EYA2: variants seen among roughly 807,000 people sequenced by gnomAD.
The protein encoded by EYA2 is EYA transcriptional coactivator and phosphatase 2, also known as protein phosphatase EYA2.
In EYA2, 31 loss-of-function variants were observed where a neutral mutation model predicts 69.2. The observed-to-expected ratio is 0.45, with a 90% CI of 0.34 to 0.60. EYA2 has a LOEUF of 0.60. EYA2 is among the 20% of genes least tolerant of loss of function. EYA2 has a pLI of 0.02. For missense variants in EYA2, 622 were observed against 701.2 expected (o/e 0.89, Z 1.28); for synonymous variants, 257 against 279.4 (o/e 0.92, Z 0.80).
intron 8 of EYA2, among the ~76,000 whole-genome samples, chr20:47,090,389 G>A (rs545382031): frequency 4.5e-4 from 68 of 152,078 alleles, no homozygotes; most frequent in Non-Finnish European, 8.4e-4. Flanking sequence ...ACAGGTGCAC[G>A]CCACCATGCT....
At chr20:46,946,683 G>T (rs540830494) in intron 1 of EYA2, among the ~76,000 whole-genome samples, 1 of 152,148 alleles carries the variant, frequency 6.6e-6, no homozygotes, top group South Asian at 2.1e-4. Context: ...CATAAAAGCC[G>T]CCATAGACAG....
chr20:46,930,833 C>T (rs1398319383), intron 1 of EYA2, among the ~76,000 whole-genome samples: 1 of 152,128 alleles, frequency 6.6e-6, no homozygotes, highest in African/African-American at 2.4e-5. Flanking sequence ...GTGCCAGGAA[C>T]CTTATGGAAA....
chr20:46,949,463 A>G (rs1978669672), intron 1 of EYA2, among the ~76,000 whole-genome samples: 1 of 152,172 alleles, frequency 6.6e-6, no homozygotes, highest in African/African-American at 2.4e-5. Context: ...AGTAAAGAGA[A>G]TTTAGGGGAT....
intron 9 of EYA2, among the ~76,000 whole-genome samples, chr20:47,122,333 G>A (rs1257214147): frequency 1.6e-4 from 19 of 122,352 alleles, no homozygotes; most frequent in South Asian, 2.5e-4. Flanking sequence ...TTATTCTGTC[G>A]CCTAGGCTGG....
intron 1 of EYA2, among the ~76,000 whole-genome samples, chr20:46,932,525 G>A (rs1057494557): frequency 1.4e-4 from 21 of 152,048 alleles, no homozygotes; most frequent in African/African-American, 5.1e-4. Context: ...GATCTTGGGG[G>A]CATTTTCTCC....
intron 7 of EYA2, among the ~76,000 whole-genome samples, chr20:47,085,143 A>C (rs1308916527): frequency 2.0e-5 from 3 of 151,602 alleles, no homozygotes; most frequent in Non-Finnish European, 4.4e-5. Context: ...AGCCTCATCC[A>C]TTTTTTCAAA....
chr20:46,974,905 T>C (rs1980367152), intron 1 of EYA2, among the ~76,000 whole-genome samples: 2 of 152,210 alleles, frequency 1.3e-5, no homozygotes, highest in Admixed American at 1.3e-4. Flanking sequence ...GGTTGCCTTT[T>C]GTGGGCCTAG....
Position 47,074,182 on chromosome 20 carries a change from C to G in EYA2, c.508C>G (p.Pro170Ala). 1.9e-6 allele frequency: 3 copies of G among 1,612,632 alleles called. No homozygotes were observed. Among genetic ancestry groups the G allele is most frequent in the Non-Finnish European group, 2.5e-6 (3 of 1,179,022 alleles). The change falls in exon 7 of 16, where the codon CCC (proline) becomes GCC (alanine). Residue 170 changes from proline to alanine, a missense_variant. Physicochemically the swap from Pro to Ala is conservative, Grantham distance 27. Coordinates refer to ENST00000327619, the MANE Select transcript of EYA2 (RefSeq NM_005244.5). ...GGACTATCCTTCCTACCCCGGCTTC[C>G]CCCAGAGCCAGTACCCCCAGTATTA... is the stretch of plus-strand genomic sequence containing the variant. ...HQDYPSYPGFPQSQYPQYYGS... is the reference protein window; with the variant it reads ...HQDYPSYPGFAQSQYPQYYGS...
intron 7 of EYA2, among the ~76,000 whole-genome samples, chr20:47,088,879 G>C (rs1308927531): frequency 6.6e-6 from 1 of 152,170 alleles, no homozygotes; most frequent in Admixed American, 6.5e-5. Context: ...CGGGCCCCCT[G>C]ACTTGTTAAT....
At chr20:47,151,237 G>C (rs1010226712) in intron 10 of EYA2, among the ~76,000 whole-genome samples, 3 of 151,838 alleles carry the variant, frequency 2.0e-5, no homozygotes, top group African/African-American at 7.2e-5. Context: ...AGGTCATCGT[G>C]GTGGGCACCT....
At chr20:47,107,734 A>G (rs548339561) in intron 9 of EYA2, among the ~76,000 whole-genome samples, 1 of 149,794 alleles carries the variant, frequency 6.7e-6, no homozygotes, top group South Asian at 2.1e-4. Context: ...AGAAGAAAAG[A>G]AAAAGAAGAA....
At chr20:47,007,977 G>A (rs1008989904) in intron 4 of EYA2, among the ~76,000 whole-genome samples, 6 of 152,152 alleles carry the variant, frequency 3.9e-5, no homozygotes, top group Non-Finnish European at 5.9e-5. Context: ...GCTCAGAGGG[G>A]ATCAGGAGGA....
intron 14 of EYA2, among the ~76,000 whole-genome samples, chr20:47,182,668 G>A (rs1179656048): frequency 1.4e-5 from 2 of 144,990 alleles, no homozygotes; most frequent in East Asian, 4.0e-4. Context: ...GGGTGCAGTG[G>A]CTCACGCCTG....
chr20:47,117,416 G>C, intron 9 of EYA2: 3 of 985,360 alleles, frequency 3.0e-6, no homozygotes, highest in Non-Finnish European at 3.6e-6. Context: ...TGCAGATCCA[G>C]AGGCCAGGTC....
chr20:47,159,776 G>T (rs1345939316), intron 10 of EYA2, among the ~76,000 whole-genome samples: 1 of 151,976 alleles, frequency 6.6e-6, no homozygotes, highest in African/African-American at 2.4e-5. Context: ...GATCACTTGT[G>T]GTCAGGAGTT....
At chr20:47,103,735 C>G (rs1005936976) in intron 9 of EYA2, among the ~76,000 whole-genome samples, 1 of 152,140 alleles carries the variant, frequency 6.6e-6, no homozygotes, top group Non-Finnish European at 1.5e-5. Flanking sequence ...GAGGTTCCTC[C>G]ACCAACACAA....
chr20:47,174,740 A>G lies in EYA2; in HGVS notation c.1198+1873A>G, dbSNP rs938485631. On this transcript the variant is annotated intron_variant, in intron 12 of 15. Transcript: ENST00000327619. ...GCCTGTAAGGTAAATGTTTTTATCA[A>G]CGGTGTTGCTTGAAAGCAGAAACTG... Among the ~76,000 whole-genome samples, 5 of 152,238 alleles carry G rather than the reference A, an allele frequency of 3.3e-5. No homozygotes were observed. The South Asian group carries it at 6.2e-4, about 19-fold the overall frequency.
intron 10 of EYA2, among the ~76,000 whole-genome samples, chr20:47,146,300 A>G (rs1178444192): frequency 6.6e-6 from 1 of 152,190 alleles, no homozygotes; most frequent in African/African-American, 2.4e-5. Flanking sequence ...AACACCAGGC[A>G]TGGAATAGGC....
At chr20:47,014,806 T>G (rs1436714668) in intron 4 of EYA2, among the ~76,000 whole-genome samples, 1 of 152,150 alleles carries the variant, frequency 6.6e-6, no homozygotes, top group Non-Finnish European at 1.5e-5. Context: ...ATGTGTGTAT[T>G]TGCTGCAGCT....
Sources: allele counts gnomAD v4.1 joint callset (sites outside exome capture counted in the v4.1 genomes callset), GRCh38; gene constraint gnomAD v4.1.1; transcripts MANE v1.5; gene names NCBI Gene and HGNC (gene_info 2026-07-23, HGNC 2026-07-21).